FTO: variants seen among roughly 807,000 people sequenced by gnomAD.
FTO encodes alpha-ketoglutarate-dependent dioxygenase FTO.
FTO carries 47 observed loss-of-function variants against 63.9 expected under a neutral mutation model. That is an observed-to-expected ratio of 0.74 (90% CI 0.58 to 0.94). The LOEUF (loss-of-function observed/expected upper bound fraction) is 0.94. Among genes scored for constraint, FTO ranks in the 40% least tolerant of loss-of-function variants. The probability of loss-of-function intolerance (pLI) is 0.00; values close to 1 mark genes in which losing one functional copy is unlikely to be tolerated. For synonymous variants in FTO, 207 were observed against 224.4 expected, an observed-to-expected ratio of 0.92 and a Z score of 0.69; for missense variants, 562 against 618.1, an observed-to-expected ratio of 0.91 and a Z score of 0.96.
intron 1 of FTO, among the ~76,000 whole-genome samples, chr16:53,719,253 CTTTTTTTTTTTTTT>C (rs10527186): frequency 0.59 from 81,600 of 138,444 alleles, 23,124 homozygotes; most frequent in Middle Eastern, 0.76. Flanking sequence ...TCTTCTTCTT[CTTTTTTTTTTTTTT>C]TTTTTTTTGA....
chr16:53,985,215 T>C (rs2083638074), intron 8 of FTO, among the ~76,000 whole-genome samples: 1 of 152,188 alleles, frequency 6.6e-6, no homozygotes, highest in Non-Finnish European at 1.5e-5. Flanking sequence ...CACTTGTCTT[T>C]TACAAACTTG....
chr16:53,811,566 C>T lies in FTO; in HGVS notation c.123+1349C>T, dbSNP rs537388879. On this transcript the variant is annotated intron_variant, in intron 2 of 8. Coordinates refer to ENST00000471389, the MANE Select transcript of FTO (RefSeq NM_001080432.3). ...TCTTATAGGTCTGTCTAGTTTTCCT[C>T]TTTGCCCCCCTTCATCCTTGAAGCT... Among the ~76,000 whole-genome samples the T allele has an allele frequency of 3.3e-5, 5 of 152,268 alleles. No homozygotes were observed. In the East Asian group the frequency reaches 7.7e-4, roughly 24 times the overall value.
At chr16:54,002,948 T>G (rs74019312) in intron 8 of FTO, among the ~76,000 whole-genome samples, 510 of 152,310 alleles carry the variant, frequency 3.3e-3, no homozygotes, top group African/African-American at 8.3e-3. Context: ...TGGTGCATCC[T>G]CCCCTGGGGG....
chr16:54,074,848 A>G lies in FTO; in HGVS notation c.1365-36914A>G, dbSNP rs1236822143. Among the ~76,000 whole-genome samples, 5 of 152,020 alleles carry G rather than the reference A, an allele frequency of 3.3e-5. 1 individual carries two copies. Among genetic ancestry groups the G allele is most frequent in the Non-Finnish European group, 1.5e-5 (1 of 68,020 alleles). On this transcript the variant is annotated intron_variant, in intron 8 of 8. Coordinates refer to ENST00000471389, the MANE Select transcript of FTO (RefSeq NM_001080432.3). ...AGTTATATAGGCTCCCCAAGTAGCC[A>G]GTGAGCATACCTGTTTTTCTGTAGC... is the stretch of plus-strand genomic sequence containing the variant.
intron 1 of FTO, among the ~76,000 whole-genome samples, chr16:53,759,643 G>A (rs1398948206): frequency 2.3e-4 from 33 of 142,204 alleles, no homozygotes; most frequent in African/African-American, 8.1e-4. Flanking sequence ...GCAGTGAGCC[G>A]AGATCGTGCC....
At chr16:53,923,514 G>A (rs2082058761) in intron 7 of FTO, among the ~76,000 whole-genome samples, 2 of 152,214 alleles carry the variant, frequency 1.3e-5, no homozygotes, top group African/African-American at 4.8e-5. Flanking sequence ...GCTCTCTGAA[G>A]CATTGAAGTC....
At chr16:53,854,491 C>T (rs2079916621) in intron 4 of FTO, among the ~76,000 whole-genome samples, 1 of 152,150 alleles carries the variant, frequency 6.6e-6, no homozygotes, top group East Asian at 1.9e-4. Flanking sequence ...ACACAGGGAT[C>T]CAGTTTCATT....
intron 4 of FTO, among the ~76,000 whole-genome samples, chr16:53,859,883 T>C (rs2080121600): frequency 6.6e-6 from 1 of 152,202 alleles, no homozygotes. Context: ...CATGGAGGTT[T>C]CTCAAACAGT....
chr16:54,044,997 G>A (rs1177497990), intron 8 of FTO, among the ~76,000 whole-genome samples: 4 of 105,836 alleles, frequency 3.8e-5, no homozygotes, highest in Non-Finnish European at 6.7e-5. Context: ...ATGCCTACAG[G>A]AGAAAGCAGG....
rs78242931 is a variant in FTO, at chr16:53,751,767, A to G, written c.45+47538A>G. Among the ~76,000 whole-genome samples, 642 of 152,302 alleles carry G rather than the reference A, an allele frequency of 4.2e-3. 36 individuals are homozygous for G. In the East Asian group the frequency reaches 0.11, roughly 26 times the overall value. On this transcript the variant is annotated intron_variant, in intron 1 of 8. Transcript: ENST00000471389. ...TGGATATACTAAAAACCATTGAATC[A>G]TATACTATAAGTTGGTGAATTTTAT... is the stretch of plus-strand genomic sequence containing the variant.
intron 1 of FTO, among the ~76,000 whole-genome samples, chr16:53,717,835 AT>A (rs2075931924): frequency 6.6e-6 from 1 of 152,136 alleles, no homozygotes; most frequent in Non-Finnish European, 1.5e-5. Context: ...GAATGCTTAA[AT>A]AATCAGATCT....
intron 8 of FTO, among the ~76,000 whole-genome samples, chr16:54,109,462 C>G (rs1251950100): frequency 6.6e-6 from 1 of 152,208 alleles, no homozygotes; most frequent in African/African-American, 2.4e-5. Flanking sequence ...TCCCAAGTAG[C>G]TGGGATCACA....
At chr16:53,964,911 C>T (rs1263953271) in intron 8 of FTO, among the ~76,000 whole-genome samples, 1 of 152,122 alleles carries the variant, frequency 6.6e-6, no homozygotes, top group African/African-American at 2.4e-5. Context: ...CTAGCTAAAT[C>T]GTGGTAAACA....
intron 8 of FTO, among the ~76,000 whole-genome samples, chr16:54,041,800 C>T (rs184380175): frequency 2.1e-4 from 32 of 152,290 alleles, no homozygotes; most frequent in African/African-American, 6.0e-4. Flanking sequence ...TTGTTGTGCA[C>T]GCTGGCTCTT....
intron 1 of FTO, among the ~76,000 whole-genome samples, chr16:53,765,675 G>A (rs2077183597): frequency 6.6e-6 from 1 of 152,094 alleles, no homozygotes; most frequent in African/African-American, 2.4e-5. Flanking sequence ...AGATACAGTG[G>A]TCTGAGGTCA....
chr16:54,034,012 A>G (rs2084888680), intron 8 of FTO: 1 of 152,184 alleles, frequency 6.6e-6, no homozygotes, highest in Non-Finnish European at 1.5e-5. Flanking sequence ...CTATGTAAGT[A>G]TCACTTCTGA....
intron 8 of FTO, among the ~76,000 whole-genome samples, chr16:54,019,927 C>A (rs901958470): frequency 2.6e-4 from 40 of 152,140 alleles, no homozygotes; most frequent in African/African-American, 9.7e-4. Context: ...TTGAAGAATG[C>A]AGATTAGTCA....
chr16:54,064,654 T>C (rs1453545082), intron 8 of FTO, among the ~76,000 whole-genome samples: 1 of 152,208 alleles, frequency 6.6e-6, no homozygotes, highest in African/African-American at 2.4e-5. Flanking sequence ...CCCTACTTGC[T>C]CCCTCATTCT....
At chr16:53,950,255 G>A (rs1210457423) in intron 8 of FTO, among the ~76,000 whole-genome samples, 2 of 150,460 alleles carry the variant, frequency 1.3e-5, no homozygotes, top group Non-Finnish European at 3.0e-5. Context: ...CCACACAGTA[G>A]GAAGTCGTCT....
Sources: gnomAD v4.1 joint callset for allele counts (sites outside exome capture counted in the v4.1 genomes callset) on GRCh38, gnomAD v4.1.1 for gene constraint, MANE v1.5 for transcripts, NCBI Gene and HGNC (gene_info 2026-07-23, HGNC 2026-07-21) for gene names.